PHACTR2: variants seen among roughly 807,000 people sequenced by gnomAD.
PHACTR2 encodes the protein phosphatase and actin regulator 2.
PHACTR2 carries 30 observed loss-of-function variants against 76.0 expected under a neutral mutation model. That is an observed-to-expected ratio of 0.39 (90% CI 0.30 to 0.54). The LOEUF (loss-of-function observed/expected upper bound fraction) is 0.54. PHACTR2 is among the 20% of genes least tolerant of loss of function. The pLI is 0.61. For synonymous variants in PHACTR2, 292 were observed against 292.5 expected (o/e 1.00, Z 0.02); for missense variants, 696 against 781.1 (o/e 0.89, Z 1.30).
Position 143,753,052 on chromosome 6 carries a change from T to C in PHACTR2, c.296-702T>C, listed in dbSNP as rs1333868766. On this transcript the variant is annotated intron_variant, in intron 3 of 12. Transcript: ENST00000440869. The surrounding 1 kb of genome is among the most constrained non-coding windows in gnomAD (Gnocchi z 4.6). ...TAAAATTCCTTTGTGATTACTTTTT[T>C]ATGTGTGTTTTTTTTTTCTCGAATG... is the stretch of plus-strand genomic sequence containing the variant. Among the ~76,000 whole-genome samples the C allele has an allele frequency of 6.6e-6, 1 of 152,100 alleles. No homozygotes were observed. The highest frequency in any genetic ancestry group is 1.5e-5 in the Non-Finnish European group (1 of 67,956).
At position 143,681,619 on chromosome 6, in the gene PHACTR2, T is replaced by C. The variant is rs564182652; in HGVS notation, c.46+3410T>C. Among the ~76,000 whole-genome samples, 8 of 152,346 alleles carry C rather than the reference T, an allele frequency of 5.3e-5. No individual in the cohort carries two copies. The East Asian group carries it at 1.3e-3, about 26-fold the overall frequency. On this transcript the variant is annotated intron_variant, in intron 1 of 12. Transcript: ENST00000440869. ...TGAGCAGTTTATCAATTTTTTTCTT[T>C]TGTTGTTTGTGTTTTTGGTATCACA...
intron 10 of PHACTR2, among the ~76,000 whole-genome samples, chr6:143,785,696 G>A (rs1288869078): frequency 6.6e-6 from 1 of 152,094 alleles, no homozygotes; most frequent in Non-Finnish European, 1.5e-5. Context: ...CATCTAGACA[G>A]AGGTTCCCAA....
intron 1 of PHACTR2, among the ~76,000 whole-genome samples, chr6:143,707,287 A>G (rs1778076853): frequency 6.6e-6 from 1 of 152,240 alleles, no homozygotes; most frequent in Admixed American, 6.5e-5. Context: ...AGCATTGTTT[A>G]CCACACATGA....
Position 143,689,248 on chromosome 6 carries a change from G to A in PHACTR2, c.46+11039G>A, listed in dbSNP as rs1777587829. Among the ~76,000 whole-genome samples, 1 of 152,102 alleles carries A rather than the reference G, an allele frequency of 6.6e-6. No homozygotes were observed. Among genetic ancestry groups the A allele is most frequent in the African/African-American group, 2.4e-5 (1 of 41,414 alleles). On this transcript the variant is annotated intron_variant, in intron 1 of 12. Transcript: ENST00000440869. This position sits in a 1 kb window ranked among gnomAD's most constrained non-coding sequence, Gnocchi z 4.4. ...CCTTCACTGCACTTAGCACTCAGAT[G>A]ATCTTGTTTGTTTGTTTTATTCATT...
chr6:143,642,304 G>C (rs1582728539), intron 1 of PHACTR2, among the ~76,000 whole-genome samples: 1 of 152,216 alleles, frequency 6.6e-6, no homozygotes, highest in Non-Finnish European at 1.5e-5. Context: ...ATCGCAAGCA[G>C]GCTTGCTTTG....
chr6:143,674,936 C>T (rs1777214551), upstream of PHACTR2, among the ~76,000 whole-genome samples: 7 of 152,302 alleles, frequency 4.6e-5, no homozygotes, highest in South Asian at 1.5e-3. This position sits in a 1 kb window ranked among gnomAD's most constrained non-coding sequence, Gnocchi z 4.9. Context: ...GTCCAGATTG[C>T]CAATGTTTAG....
rs1775940161 is a variant in PHACTR2, at chr6:143,800,948, C to G, written c.1846-6109C>G. Among the ~76,000 whole-genome samples the G allele has an allele frequency of 6.6e-6, 1 of 152,186 alleles. No homozygotes were observed. The highest frequency in any genetic ancestry group is 2.4e-5 in the African/African-American group (1 of 41,452). On this transcript the variant is annotated intron_variant, in intron 11 of 12. Coordinates refer to ENST00000440869, the MANE Select transcript of PHACTR2 (RefSeq NM_001100164.2). This position sits in a 1 kb window ranked among gnomAD's most constrained non-coding sequence, Gnocchi z 4.8. ...TGGAAAGGATTTTATTTCTCCTTCACTTATGAAGCTTAGTTCAGCTGGATA... is the reference window on the plus strand; with the variant it reads ...TGGAAAGGATTTTATTTCTCCTTCAGTTATGAAGCTTAGTTCAGCTGGATA...
rs769022139 is a variant in PHACTR2, at chr6:143,648,029, G to T, written c.13+39707G>T. 6.6e-6 allele frequency among the ~76,000 whole-genome samples: 1 copy of T among 152,290 alleles called. No homozygotes were observed. Among genetic ancestry groups the T allele is most frequent in the South Asian group, 2.1e-4 (1 of 4,820 alleles). ...AGCAGGTAGGATCCTGCCGTGACCC[G>T]AGAGAGATGTATGGCTGCGACAGAG... On this transcript the variant is annotated intron_variant, in intron 1 of 11. Transcript: ENST00000305766. The surrounding 1 kb of genome is among the most constrained non-coding windows in gnomAD (Gnocchi z 6.7).
At chr6:143,729,807 T>A (rs1362561366) in intron 2 of PHACTR2, among the ~76,000 whole-genome samples, 1 of 152,162 alleles carries the variant, frequency 6.6e-6, no homozygotes, top group Non-Finnish European at 1.5e-5. Flanking sequence ...TAGTAGCTTG[T>A]CTTTCCATTC....
chr6:143,789,463 C>A lies in PHACTR2; in HGVS notation c.1845+553C>A, dbSNP rs1320598744. 1 of 152,426 alleles carries A rather than the reference C, an allele frequency of 6.6e-6. No homozygotes were observed. Among genetic ancestry groups the A allele is most frequent in the African/African-American group, 2.4e-5 (1 of 41,460 alleles). The allele number at this position is 152,426 out of a possible 1,614,324, so 9.4% of individuals were successfully genotyped here. A position where few individuals can be genotyped will look rare whatever the true frequency, so the allele number is the denominator to read the frequency against. On this transcript the variant is annotated intron_variant, in intron 11 of 12. Coordinates refer to ENST00000440869, the MANE Select transcript of PHACTR2 (RefSeq NM_001100164.2). The surrounding 1 kb of genome is among the most constrained non-coding windows in gnomAD (Gnocchi z 5.1). ...GGTGGGCCAAATTTGACCTGCAGGT[C>A]AGGCTTACCAACCCCTAATCTAAAT...
chr6:143,718,932 G>C (rs960792145), intron 2 of PHACTR2, among the ~76,000 whole-genome samples: 3 of 149,186 alleles, frequency 2.0e-5, no homozygotes, highest in Admixed American at 1.4e-4. Flanking sequence ...ATCCAAGCTG[G>C]AGTGCAGTGG....
intron 1 of PHACTR2, among the ~76,000 whole-genome samples, chr6:143,650,924 A>G (rs1308666564): frequency 1.3e-5 from 2 of 152,212 alleles, no homozygotes; most frequent in Non-Finnish European, 2.9e-5. Flanking sequence ...AATGTTTGCA[A>G]TCTATCCATC....
At chr6:143,715,541 A>G (rs1778282960) in intron 2 of PHACTR2, among the ~76,000 whole-genome samples, 1 of 152,214 alleles carries the variant, frequency 6.6e-6, no homozygotes, top group Non-Finnish European at 1.5e-5. Context: ...TTCTGTGGAA[A>G]ACATGCTAGT....
upstream of PHACTR2, among the ~76,000 whole-genome samples, chr6:143,606,724 G>A (rs1775878445): frequency 6.6e-6 from 1 of 152,080 alleles, no homozygotes; most frequent in South Asian, 2.1e-4. Context: ...CTTAATCAGG[G>A]CAAGTAGACG....
intron 3 of PHACTR2, among the ~76,000 whole-genome samples, chr6:143,752,194 A>G (rs1295085211): frequency 6.6e-6 from 1 of 152,128 alleles, no homozygotes; most frequent in Non-Finnish European, 1.5e-5. Flanking sequence ...ATTGTCATTG[A>G]CATGACTTCA....
Position 143,774,315 on chromosome 6 carries a change from G to C in PHACTR2, c.1589+100G>C, listed in dbSNP as rs1425095178. 2 of 869,858 alleles carry C rather than the reference G, an allele frequency of 2.3e-6. No individual in the cohort carries two copies. The highest frequency in any genetic ancestry group is 5.3e-5 in the East Asian group (2 of 37,538). 53.9% of individuals were successfully genotyped at this position (869,858 alleles called of 1,614,324 possible). On this transcript the variant is annotated intron_variant, in intron 8 of 12. Coordinates refer to ENST00000440869, the MANE Select transcript of PHACTR2 (RefSeq NM_001100164.2). The surrounding 1 kb of genome is among the most constrained non-coding windows in gnomAD (Gnocchi z 5.4). ...GGTCATTGTGAATTCCTTATGTACA[G>C]ATACATCTGGCCTACTGGGTCTTTT...
Position 143,672,453 on chromosome 6 carries a change from G to A in PHACTR2, c.14-39563G>A, listed in dbSNP as rs116830429. ...TCCAGCCTGGGCCACAGAGCAAGAC[G>A]CTGTCTCAAAAACAAAAAACAAACA... On this transcript the variant is annotated intron_variant, in intron 1 of 11. Transcript: ENST00000305766. This position sits in a 1 kb window ranked among gnomAD's most constrained non-coding sequence, Gnocchi z 5.8. Among the ~76,000 whole-genome samples, 4,493 of 151,898 alleles carry A rather than the reference G, an allele frequency of 0.03. 218 individuals carry two copies. Among genetic ancestry groups the A allele is most frequent in the African/African-American group, 0.1 (4,184 of 41,394 alleles).
At chr6:143,650,788 G>A (rs117321802) in intron 1 of PHACTR2, among the ~76,000 whole-genome samples, 25,610 of 152,038 alleles carry the variant, frequency 0.17, 2,586 homozygotes, top group Middle Eastern at 0.24. Context: ...ATTTCATGAC[G>A]AAAACACCAA....
chr6:143,604,710 A>G (rs531323115), upstream of PHACTR2, among the ~76,000 whole-genome samples: 2 of 152,010 alleles, frequency 1.3e-5, no homozygotes, highest in Non-Finnish European at 2.9e-5. Flanking sequence ...GGTGAAACCC[A>G]TCTCTACTGA....
Sources: gnomAD v4.1 joint callset for allele counts (sites outside exome capture counted in the v4.1 genomes callset) on GRCh38, gnomAD v4.1.1 for gene constraint, Gnocchi (gnomAD v3.1) non-coding constraint, MANE v1.5 for transcripts, NCBI Gene and HGNC (gene_info 2026-07-23, HGNC 2026-07-21) for gene names.